UGT1A8: variants seen among roughly 807,000 people sequenced by gnomAD.
UGT1A8 encodes UDP glucuronosyltransferase family 1 member A8.
In UGT1A8, 39 loss-of-function variants were observed where a neutral mutation model predicts 45.3. That is an observed-to-expected ratio of 0.86 (90% CI 0.67 to 1.12). UGT1A8 has a LOEUF of 1.12. Ranked by LOEUF, UGT1A8 falls within the 50% of genes most tolerant of loss-of-function variation. The pLI is 0.00. For missense variants in UGT1A8, 719 were observed against 664.9 expected, an observed-to-expected ratio of 1.08 and a Z score of -0.90; for synonymous variants, 275 against 249.2, an observed-to-expected ratio of 1.10 and a Z score of -0.97.
In UGT1A8 at chr2:233,712,940, C is replaced by T. The variant is rs367897859; in HGVS notation, c.856-54094C>T. 1.2e-4 allele frequency: 197 copies of T among 1,612,272 alleles called. 1 individual carries two copies. Among genetic ancestry groups the T allele is most frequent in the Admixed American group, 2.3e-4 (14 of 59,994 alleles). ...GGTAATTAAGACGAAGGAAACAATTCTAGGAGGCACAACGTGGGGTGGACA... is the reference window on the plus strand; with the variant it reads ...GGTAATTAAGACGAAGGAAACAATTTTAGGAGGCACAACGTGGGGTGGACA... On this transcript the variant is annotated intron_variant, in intron 1 of 4. Transcript: ENST00000373450.
At position 233,671,839 on chromosome 2, in the gene UGT1A8, C is replaced by T. The variant is rs540114548; in HGVS notation, c.855+53277C>T. On this transcript the variant is annotated intron_variant, in intron 1 of 4. Transcript: ENST00000373450. Reference sequence around the variant, plus strand: ...TTTTATGAAAGGATAAAAACACGCCCTCTATTGGGGTCAGGTTTTGTGCTG... The same window carrying T: ...TTTTATGAAAGGATAAAAACACGCCTTCTATTGGGGTCAGGTTTTGTGCTG... The T allele has an allele frequency of 6.5e-5, 96 of 1,470,798 alleles. No individual in the cohort carries two copies. In the African/African-American group the frequency reaches 1.3e-3, roughly 20 times the overall value. 91.1% of individuals were successfully genotyped at this position (1,470,798 alleles called of 1,614,324 possible).
chr2:233,650,669 A>C (rs763293080), intron 1 of UGT1A8, among the ~76,000 whole-genome samples: 8 of 152,174 alleles, frequency 5.3e-5, no homozygotes, highest in Non-Finnish European at 1.2e-4. Flanking sequence ...CTCATATCTC[A>C]GCATAAATTT....
At chr2:233,622,101 G>A (rs1381649255) in intron 1 of UGT1A8, among the ~76,000 whole-genome samples, 1 of 152,146 alleles carries the variant, frequency 6.6e-6, no homozygotes, top group East Asian at 1.9e-4. Context: ...TGGTGTATAT[G>A]TGCCACATTT....
chr2:233,687,759 A>C (rs1014972219), intron 1 of UGT1A8, among the ~76,000 whole-genome samples: 1 of 152,052 alleles, frequency 6.6e-6, no homozygotes, highest in African/African-American at 2.4e-5. Context: ...TTTAAAAATT[A>C]GCTGGGCCTG....
intron 1 of UGT1A8, chr2:233,747,691 T>G (rs1693753923): frequency 1.2e-6 from 2 of 1,611,090 alleles, no homozygotes; most frequent in Non-Finnish European, 1.7e-6. Context: ...TGTGGGGCAG[T>G]GCTGGCTAAG....
chr2:233,672,781 T>G, intron 1 of UGT1A8: 3 of 1,613,358 alleles, frequency 1.9e-6, no homozygotes, highest in Non-Finnish European at 2.5e-6. Context: ...GGGAAAGCCG[T>G]TGCCTATGGT....
chr2:233,641,869 C>T (rs997845584), intron 1 of UGT1A8, among the ~76,000 whole-genome samples: 1 of 152,146 alleles, frequency 6.6e-6, no homozygotes, highest in Non-Finnish European at 1.5e-5. Context: ...GAAAAGGCTG[C>T]TGCCAGATGT....
chr2:233,724,281 C>CA (rs1553611764), intron 1 of UGT1A8, among the ~76,000 whole-genome samples: 3 of 111,954 alleles, frequency 2.7e-5, no homozygotes, highest in South Asian at 3.3e-4. Flanking sequence ...GCTGGCCGGG[C>CA]GGGGGGCTGA....
intron 1 of UGT1A8, chr2:233,690,463 C>T (rs2074991463): frequency 7.8e-7 from 1 of 1,288,912 alleles, no homozygotes; most frequent in Non-Finnish European, 1.0e-6. Context: ...TGCCAGCTAT[C>T]CTCCATTTAC....
At chr2:233,664,857 A>ATG (rs1343831567) in intron 1 of UGT1A8, among the ~76,000 whole-genome samples, 2 of 152,178 alleles carry the variant, frequency 1.3e-5, no homozygotes, top group Non-Finnish European at 2.9e-5. Context: ...TTCCAGTTTC[A>ATG]TGAATCCTTT....
At position 233,618,281 on chromosome 2, in the gene UGT1A8, A is replaced by C; in HGVS notation, c.574A>C (p.Arg192=). 1 of 1,613,894 alleles carries C rather than the reference A, an allele frequency of 6.2e-7. No homozygotes were observed. Among genetic ancestry groups the C allele is most frequent in the Non-Finnish European group, 8.5e-7 (1 of 1,179,838 alleles). ...QCPAPLSYVP[R]ILLGFSDAMT... is the part of the protein sequence containing the mutation. ...CCCTGCTCCTCTTTCCTATGTCCCC[A>C]GAATTCTCTTAGGGTTCTCAGATGC... Residue 192 remains arginine (R), a synonymous_variant, in exon 1 of 5, where the codon AGA becomes CGA. Transcript: ENST00000373450.
At chr2:233,747,955 T>C in intron 1 of UGT1A8, 1 of 1,613,464 alleles carries the variant, frequency 6.2e-7, no homozygotes, top group East Asian at 2.2e-5. Flanking sequence ...GTGGTGGATC[T>C]TCTCAGCCAT....
intron 1 of UGT1A8, among the ~76,000 whole-genome samples, chr2:233,658,378 T>C (rs1407971862): frequency 3.9e-5 from 6 of 152,206 alleles, no homozygotes; most frequent in African/African-American, 1.4e-4. Context: ...TAACCAACAT[T>C]TGATACATTA....
intron 1 of UGT1A8, among the ~76,000 whole-genome samples, chr2:233,720,986 C>T (rs931930745): frequency 6.6e-6 from 1 of 151,446 alleles, no homozygotes; most frequent in Admixed American, 6.6e-5. Flanking sequence ...GCTGGGATTA[C>T]AGGCAAGAGC....
chr2:233,657,059 C>T (rs747938165), intron 1 of UGT1A8, among the ~76,000 whole-genome samples: 2 of 152,074 alleles, frequency 1.3e-5, no homozygotes, highest in African/African-American at 2.4e-5. Flanking sequence ...CCCTCACCAG[C>T]TTCTTTCCTT....
chr2:233,743,424 A>G, intron 1 of UGT1A8: 2 of 1,346,302 alleles, frequency 1.5e-6, no homozygotes, highest in South Asian at 2.3e-5. Context: ...CCAGGGAGCC[A>G]AAGGAACGAA....
intron 1 of UGT1A8, among the ~76,000 whole-genome samples, chr2:233,696,769 T>C (rs2125568935): frequency 6.6e-6 from 1 of 152,312 alleles, no homozygotes; most frequent in Middle Eastern, 3.4e-3. Context: ...ATTTATCATA[T>C]ATGGATTTTA....
At chr2:233,730,685 C>T (rs917184684) in intron 1 of UGT1A8, among the ~76,000 whole-genome samples, 1 of 152,042 alleles carries the variant, frequency 6.6e-6, no homozygotes, top group Admixed American at 6.6e-5. Flanking sequence ...GGTTGCATCT[C>T]AAATGATTCT....
At chr2:233,667,414 T>A (rs1300921056) in intron 1 of UGT1A8, among the ~76,000 whole-genome samples, 2 of 152,090 alleles carry the variant, frequency 1.3e-5, no homozygotes. Flanking sequence ...TGTTAGACCT[T>A]AAACCATAAA....
Sources: allele counts gnomAD v4.1 joint callset (sites outside exome capture counted in the v4.1 genomes callset), GRCh38; gene constraint gnomAD v4.1.1; transcripts MANE v1.5; gene names NCBI Gene and HGNC (gene_info 2026-07-23, HGNC 2026-07-21).